The following TNS2 variants were observed in gnomAD, a reference collection of about 807,000 sequenced individuals.
TNS2 encodes tensin 2.
Under a neutral mutation model 155.7 loss-of-function variants are expected in TNS2, and 77 were observed. That is an observed-to-expected ratio of 0.49 (90% CI 0.41 to 0.60). TNS2 has a LOEUF of 0.60. Ranked by LOEUF, TNS2 falls within the 20% of genes least tolerant of loss-of-function variation. The pLI is 0.00. For missense variants in TNS2, 1,703 were observed against 1,868.8 expected, an observed-to-expected ratio of 0.91 and a Z score of 1.64; for synonymous variants, 726 against 763.9, an observed-to-expected ratio of 0.95 and a Z score of 0.82.
rs73303568 is a variant in TNS2, at chr12:53,061,311, C to T, written c.3358+47C>T. 8 of 1,609,936 alleles carry T rather than the reference C, an allele frequency of 5.0e-6. No individual in the cohort carries two copies. The African/African-American group carries it at 1.1e-4, about 21-fold the overall frequency. On this transcript the variant is annotated intron_variant, in intron 20 of 28. Coordinates refer to ENST00000314250, the MANE Select transcript of TNS2 (RefSeq NM_170754.4). ...TGGTGCCACCTTGAGAGAACCCTTT[C>T]TCCTGGGATGTAGCATGGATGGGGA...
intron 6 of TNS2, 40 bp from the exon 7 acceptor site, chr12:53,054,230 G>T: frequency 6.2e-7 from 1 of 1,609,148 alleles, no homozygotes; most frequent in Non-Finnish European, 8.5e-7. Context: ...ACCTCCGGGT[G>T]CCCCGCCCCT....
At position 53,061,779 on chromosome 12, in the gene TNS2, ACTC is replaced by A. The variant is rs1354173900; in HGVS notation, c.3449-31_3449-29del. On this transcript the variant is annotated intron_variant, in intron 21 of 28. Transcript: ENST00000314250. ...TGGGGCTCAGTCCACCCCTGTGAAA[ACTC>A]CTCCCCACTGCCCGCTACCCCTCAC... is the stretch of plus-strand genomic sequence containing the variant. 6.3e-6 allele frequency: 10 copies of A among 1,587,570 alleles called. No individual in the cohort carries two copies. In the African/African-American group the frequency reaches 6.8e-5, roughly 11 times the overall value.
At position 53,059,679 on chromosome 12, in the gene TNS2, G is replaced by A; in HGVS notation, c.2038G>A (p.Glu680Lys). ...APGYREVVIL[E>K]DPGLPALYPC... ...AGGCTACCGGGAGGTGGTCATCCTG[G>A]AGGACCCTGGGCTGCCTGCCCTATA... Residue 680 changes from glutamate to lysine, a missense_variant, in exon 18 of 29, where the codon GAG becomes AAG. Transcript: ENST00000314250. This position sits in a 1 kb window ranked among gnomAD's most constrained non-coding sequence, Gnocchi z 4.7. 1 of 1,613,208 alleles carries A rather than the reference G, an allele frequency of 6.2e-7. No homozygotes were observed. Among genetic ancestry groups the A allele is most frequent in the Non-Finnish European group, 8.5e-7 (1 of 1,179,924 alleles).
At chr12:53,054,481 A>C (rs766715315) in intron 7 of TNS2, 40 bp downstream of exon 7, 7 of 1,456,610 alleles carry the variant, frequency 4.8e-6, no homozygotes, top group Non-Finnish European at 9.1e-7. Context: ...AATGAGAGGG[A>C]TGTAGGGTCC....
chr12:53,063,506 C>T lies in TNS2; in HGVS notation c.4062-57C>T. ...CCCCAGCCCCAGCCCCGGCCCCGGC[C>T]CCCCTTCAGCAGCTGTCCCCTGGGG... On this transcript the variant is annotated intron_variant, in intron 27 of 28. Transcript: ENST00000314250. This position sits in a 1 kb window ranked among gnomAD's most constrained non-coding sequence, Gnocchi z 5.6. 1.9e-6 allele frequency: 3 copies of T among 1,613,006 alleles called. No individual in the cohort carries two copies. Among genetic ancestry groups the T allele is most frequent in the Non-Finnish European group, 2.5e-6 (3 of 1,179,730 alleles).
intron 3 of TNS2, 137 bp downstream of exon 3, chr12:53,052,629 AGG>A (rs1943979482): frequency 9.9e-6 from 12 of 1,210,990 alleles, no homozygotes; most frequent in Non-Finnish European, 1.3e-5. Context: ...CCTGGGTGGG[AGG>A]GGTGCTGTAC....
rs2121086476 is a variant in TNS2 at position 53,053,967 on chromosome 12, A to T, written c.303A>T (p.Gly101=). ...AGACACTGTCTGTTAACCACCAGGGATCCACCAAATCTCTGAACCACTCAA... is the reference window on the plus strand; with the variant it reads ...AGACACTGTCTGTTAACCACCAGGGTTCCACCAAATCTCTGAACCACTCAA... ...TAPVRRIEHL[G]STKSLNHSKQ... Residue 101 remains glycine (G), a splice_region_variant and synonymous_variant, in exon 6 of 29, where the codon GGA becomes GGT. Coordinates refer to ENST00000314250, the MANE Select transcript of TNS2 (RefSeq NM_170754.4). 6.2e-7 allele frequency: 1 copy of T among 1,614,178 alleles called. No homozygotes were observed.
rs1341482816 is a variant in TNS2 at position 53,060,755 on chromosome 12, C to T, written c.2849C>T (p.Ser950Phe). The part of the protein sequence containing the change: ...LSPGEALPPV[S>F]QAGTGKAPEL... ...CCTGGCGAGGCCTTGCCCCCTGTTT[C>T]CCAGGCAGGCACCGGAAAGGCCCCT... is the stretch of plus-strand genomic sequence containing the variant. Residue 950 changes from serine to phenylalanine, a missense_variant, in exon 20 of 29, where the codon TCC becomes TTC. Coordinates refer to ENST00000314250, the MANE Select transcript of TNS2 (RefSeq NM_170754.4). The surrounding 1 kb of genome is among the most constrained non-coding windows in gnomAD (Gnocchi z 6.1). 2 of 1,611,752 alleles carry T rather than the reference C, an allele frequency of 1.2e-6. No homozygotes were observed. Among genetic ancestry groups the T allele is most frequent in the Non-Finnish European group, 1.7e-6 (2 of 1,178,710 alleles).
rs745452655 is a variant in TNS2 at position 53,051,924 on chromosome 12, T to C, written c.145T>C (p.Cys49Arg). The C allele has an allele frequency of 3.1e-6, 5 of 1,613,558 alleles. No homozygotes were observed. The highest frequency in any genetic ancestry group is 2.2e-5 in the East Asian group (1 of 44,888). ...GAAGAAACCTCCAGTCTGTGCAGTA[T>C]GTAAGGTGACCATCGATGGGACAGG... ...FRKKPPVCAV[C>R]KVTIDGTGVS... Residue 49 changes from cysteine to arginine, a missense_variant, in exon 2 of 29, where the codon TGT (cysteine) becomes CGT (arginine). Transcript: ENST00000314250.
Position 53,059,472 on chromosome 12 carries a change from C to T in TNS2, c.1831C>T (p.Arg611Trp), listed in dbSNP as rs748095435. The T allele has an allele frequency of 2.5e-5, 38 of 1,543,210 alleles. No homozygotes were observed. The highest frequency in any genetic ancestry group is 1.7e-4 in the Middle Eastern group (1 of 5,758). The change falls in exon 18 of 29, where the codon CGG becomes TGG. Residue 611 changes from arginine (R) to tryptophan (W), a missense_variant. Coordinates refer to ENST00000314250, the MANE Select transcript of TNS2 (RefSeq NM_170754.4). This position sits in a 1 kb window ranked among gnomAD's most constrained non-coding sequence, Gnocchi z 4.7. ...CGGGGTTCCCAATGGGGGCTACTAC[C>T]GGCCAGAGGGAACCCTGGAGAGGAG... is the stretch of plus-strand genomic sequence containing the variant. The part of the protein sequence containing the change: ...PCGVPNGGYY[R>W]PEGTLERRRL...
At chr12:53,062,906 C>A in intron 25 of TNS2, 183 bp from the exon 26 acceptor site, 1 of 945,340 alleles carries the variant, frequency 1.1e-6, no homozygotes. Context: ...GGGGTGGTAG[C>A]AGGGAGGCTT....
At chr12:53,052,278 A>G (rs1943963898) in intron 2 of TNS2, 177 bp from the exon 3 acceptor site, 1 of 771,160 alleles carries the variant, frequency 1.3e-6, no homozygotes, top group East Asian at 2.5e-5. Flanking sequence ...GTAGTACCCC[A>G]CTGCCACACT....
rs1391743023 is a variant in TNS2 at position 53,063,475 on chromosome 12, T to TCCCAGCCCCAGC, written c.4061+68_4062-67dup. 1.9e-6 allele frequency: 3 copies of TCCCAGCCCCAGC among 1,611,564 alleles called. No homozygotes were observed. The highest frequency in any genetic ancestry group is 1.3e-5 in the African/African-American group (1 of 74,776). ...CCCCATGGTCCCACCAGGTCCCAGC[T>TCCCAGCCCCAGC]CCCAGCCCCAGCCCCAGCCCCGGCC... On this transcript the variant is annotated intron_variant, in intron 27 of 28. Transcript: ENST00000314250. This position sits in a 1 kb window ranked among gnomAD's most constrained non-coding sequence, Gnocchi z 5.6.
upstream of TNS2, among the ~76,000 whole-genome samples, chr12:53,047,360 G>C (rs1052859275): frequency 2.1e-5 from 3 of 145,994 alleles, no homozygotes; most frequent in Non-Finnish European, 4.6e-5. Flanking sequence ...CGCCCGGCCG[G>C]GCGCCCCCCG....
At chr12:53,049,619 G>C (rs913769858), upstream of TNS2, among the ~76,000 whole-genome samples, 5 of 152,092 alleles carry the variant, frequency 3.3e-5, no homozygotes, top group Non-Finnish European at 4.4e-5. Flanking sequence ...ATTTTTACCT[G>C]ACTCTCAGGA....
Position 53,057,594 on chromosome 12 carries a change from A to G in TNS2, c.873A>G (p.Leu291=). 3 of 1,613,610 alleles carry G rather than the reference A, an allele frequency of 1.9e-6. No homozygotes were observed. Among genetic ancestry groups the G allele is most frequent in the Non-Finnish European group, 2.5e-6 (3 of 1,179,658 alleles). The change falls in exon 12 of 29, where the codon CTA becomes CTG. Residue 291 remains leucine (L), a synonymous_variant. Coordinates refer to ENST00000314250, the MANE Select transcript of TNS2 (RefSeq NM_170754.4). ...RRYISYFSGL[L]SGSIRMNSSP... is the part of the protein sequence containing the mutation. ...ATATCAGCTACTTCAGTGGGCTGCT[A>G]TCTGGCTCCATCAGAATGAACAGCA... is the stretch of plus-strand genomic sequence containing the variant.
At position 53,050,104 on chromosome 12, in the gene TNS2, G is replaced by T. The variant is rs543935811; in HGVS notation, c.-82G>T. 33 of 1,559,470 alleles carry T rather than the reference G, an allele frequency of 2.1e-5. No individual in the cohort carries two copies. Among genetic ancestry groups the T allele is most frequent in the Non-Finnish European group, 2.8e-5 (32 of 1,155,602 alleles). On this transcript the variant is annotated 5_prime_UTR_variant, in exon 1 of 29. Coordinates refer to ENST00000314250, the MANE Select transcript of TNS2 (RefSeq NM_170754.4). This position sits in a 1 kb window ranked among gnomAD's most constrained non-coding sequence, Gnocchi z 4.7. The stretch of plus-strand genomic sequence containing the variant: ...CCGCCCAGGGGAAGCGGCTGCCTCC[G>T]CCAGGCCGCTTCCAGGAAGCCCCGG...
In TNS2 at chr12:53,061,112, G is replaced by C; in HGVS notation, c.3206G>C (p.Ser1069Thr). Reference sequence around the variant, plus strand: ...GCCTCCTATGACACCAATGGCCTTAGCCAGCCCCCACTTCCTGAGAAACGC... The same window carrying C: ...GCCTCCTATGACACCAATGGCCTTACCCAGCCCCCACTTCCTGAGAAACGC... ...LAASYDTNGL[S>T]QPPLPEKRHL... Residue 1069 changes from serine to threonine, a missense_variant, in exon 20 of 29, where the codon AGC (serine) becomes ACC (threonine). Transcript: ENST00000314250. The C allele has an allele frequency of 2.5e-6, 4 of 1,611,028 alleles. No individual in the cohort carries two copies. The highest frequency in any genetic ancestry group is 3.4e-6 in the Non-Finnish European group (4 of 1,178,596).
chr12:53,054,592 G>A (rs886407356), intron 7 of TNS2, 151 bp downstream of exon 7: 8 of 1,074,360 alleles, frequency 7.4e-6, no homozygotes, highest in East Asian at 2.8e-5. Flanking sequence ...GCGCGGCCTG[G>A]AGCGGAGCGG....
Sources: allele counts gnomAD v4.1 joint callset (sites outside exome capture counted in the v4.1 genomes callset), GRCh38; gene constraint gnomAD v4.1.1; non-coding constraint Gnocchi (gnomAD v3.1); transcripts MANE v1.5; gene names NCBI Gene and HGNC (gene_info 2026-07-23, HGNC 2026-07-21).